The following PGBD5 variants were observed in gnomAD, a reference collection of about 807,000 sequenced individuals.
PGBD5 encodes the protein piggyBac transposable element derived 5.
A neutral mutation model predicts 47.9 loss-of-function variants in PGBD5; 14 were observed. The ratio of observed to expected loss-of-function variants is 0.29; its 90% CI spans 0.19 to 0.46. The LOEUF (loss-of-function observed/expected upper bound fraction) is 0.46. Among genes scored for constraint, PGBD5 ranks in the 20% least tolerant of loss-of-function variants. The pLI is 1.00. For synonymous variants in PGBD5, 316 were observed against 306.3 expected (o/e 1.03, Z -0.33); for missense variants, 635 against 716.0 (o/e 0.89, Z 1.29).
rs372612820 is a variant in PGBD5, at chr1:230,396,469, C to T, written c.331+29129G>A. Among the ~76,000 whole-genome samples the T allele has an allele frequency of 2.0e-4, 27 of 136,290 alleles. No homozygotes were observed. The East Asian group carries it at 6.4e-3, about 33-fold the overall frequency. The allele number at this position is 136,290 out of a possible 152,430, so 89.4% of individuals were successfully genotyped here. ...CTCTATCCTCCTCCCCCTCAACTTC[C>T]CCCTACTTCCGCAGCCAGGGTCCTC... is the stretch of plus-strand genomic sequence containing the variant. On this transcript the variant is annotated intron_variant, in intron 1 of 6. Coordinates refer to ENST00000391860, the MANE Select transcript of PGBD5 (RefSeq NM_001258311.2).
chr1:230,425,579 C>G lies in PGBD5; in HGVS notation c.331+19G>C. The G allele has an allele frequency of 5.7e-6, 7 of 1,219,272 alleles. No homozygotes were observed. Among genetic ancestry groups the G allele is most frequent in the Non-Finnish European group, 7.1e-6 (7 of 980,012 alleles). 75.5% of individuals were successfully genotyped at this position (1,219,272 alleles called of 1,614,324 possible). On this transcript the variant is annotated intron_variant, in intron 1 of 6. Coordinates refer to ENST00000391860, the MANE Select transcript of PGBD5 (RefSeq NM_001258311.2). This position sits in a 1 kb window ranked among gnomAD's most constrained non-coding sequence, Gnocchi z 4.7. The stretch of plus-strand genomic sequence containing the variant: ...GTTCCAGCGCCGCCCCCGACATCCA[C>G]CCGCGGGCAGCCCCTTACCGCCGGT...
intron 1 of PGBD5, among the ~76,000 whole-genome samples, chr1:230,380,993 C>T (rs2102725662): frequency 6.6e-6 from 1 of 152,368 alleles, no homozygotes; most frequent in African/African-American, 2.4e-5. Context: ...CGTCTGCGGC[C>T]GTGTTCTCCC....
At chr1:230,366,576 G>A (rs1667836998) in intron 1 of PGBD5, among the ~76,000 whole-genome samples, 3 of 152,174 alleles carry the variant, frequency 2.0e-5, no homozygotes, top group Admixed American at 2.0e-4. Flanking sequence ...CAAAGCTGAG[G>A]TTCTGGACCA....
intron 1 of PGBD5, among the ~76,000 whole-genome samples, chr1:230,407,688 A>C (rs1172530152): frequency 2.0e-5 from 3 of 152,234 alleles, no homozygotes; most frequent in Non-Finnish European, 4.4e-5. Context: ...ATAGAAAAAA[A>C]AATCTGAGAT....
In PGBD5 at chr1:230,425,487, A is replaced by C. The variant is rs1469712872; in HGVS notation, c.331+111T>G. 1.1e-5 allele frequency: 9 copies of C among 812,324 alleles called. No individual in the cohort carries two copies. In the African/African-American group the frequency reaches 1.3e-4, roughly 11 times the overall value. The allele number at this position is 812,324 out of a possible 1,614,324, so 50.3% of individuals were successfully genotyped here. ...CAGCCTCATTTGTTTCCGGAGAGAC[A>C]CCCACAAGCCAGCCCACGGAGAGTC... On this transcript the variant is annotated intron_variant, in intron 1 of 6. Transcript: ENST00000391860. The surrounding 1 kb of genome is among the most constrained non-coding windows in gnomAD (Gnocchi z 4.7).
rs73119536 is a variant in PGBD5 at position 230,337,208 on chromosome 1, C to T, written c.975G>A (p.Val325=). Residue 325 remains valine, a synonymous_variant, in exon 4 of 7, where the codon GTG becomes GTA. Transcript: ENST00000391860. ...LKNKPQLHSM[V]ARSLCRNAAG... ...CCGCGTTCCGGCACAGGCTCCTGGC[C>T]ACCATGCTGTGGAGCTGGGGCTTAT... The T allele has an allele frequency of 3.0e-3, 4,797 of 1,614,200 alleles. 143 individuals carry two copies. In the African/African-American group the frequency reaches 0.055, roughly 18 times the overall value.
rs1004277729 is a variant in PGBD5, at chr1:230,425,751, A to C, written c.178T>G (p.Ser60Ala). The C allele has an allele frequency of 8.3e-7, 1 of 1,210,972 alleles. No individual in the cohort carries two copies. The highest frequency in any genetic ancestry group is 1.0e-6 in the Non-Finnish European group (1 of 975,168). The allele number at this position is 1,210,972 out of a possible 1,614,324, so 75.0% of individuals were successfully genotyped here. ...AASRSSSAAS[S>A]DDEREPPGPP... is the part of the protein sequence containing the mutation. ...CCCGGGGGCTCGCGCTCGTCGTCCG[A>C]GGAGGCGGCCGAGGAGGAGCGCGAG... is the stretch of plus-strand genomic sequence containing the variant. The change falls in exon 1 of 7, where the codon TCG (serine) becomes GCG (alanine). Residue 60 changes from serine (S) to alanine (A), a missense_variant. Ser to Ala is a moderately conservative substitution (Grantham distance 99). Coordinates refer to ENST00000391860, the MANE Select transcript of PGBD5 (RefSeq NM_001258311.2). This position sits in a 1 kb window ranked among gnomAD's most constrained non-coding sequence, Gnocchi z 4.7.
chr1:230,385,860 A>C (rs1220793790), intron 1 of PGBD5, among the ~76,000 whole-genome samples: 1 of 152,104 alleles, frequency 6.6e-6, no homozygotes, highest in Non-Finnish European at 1.5e-5. Flanking sequence ...GTGTTCCCTC[A>C]AGCAGCAGCA....
At chr1:230,342,727 G>A (rs1172854086) in intron 3 of PGBD5, among the ~76,000 whole-genome samples, 3 of 152,136 alleles carry the variant, frequency 2.0e-5, no homozygotes, top group Non-Finnish European at 2.9e-5. Context: ...TAAGGATAAC[G>A]TTGCCATATG....
intron 1 of PGBD5, among the ~76,000 whole-genome samples, chr1:230,416,415 CA>C (rs1019638622): frequency 1.3e-5 from 2 of 151,886 alleles, no homozygotes; most frequent in African/African-American, 2.4e-5. Flanking sequence ...TTCAAGCATT[CA>C]AAAAAAACTG....
intron 1 of PGBD5, among the ~76,000 whole-genome samples, chr1:230,399,937 A>C (rs1206765721): frequency 6.6e-6 from 1 of 152,188 alleles, no homozygotes; most frequent in East Asian, 1.9e-4. Context: ...GCCAGATCCC[A>C]CGCTTGTCCT....
chr1:230,411,700 A>C (rs1177649086), intron 1 of PGBD5, among the ~76,000 whole-genome samples: 1 of 152,226 alleles, frequency 6.6e-6, no homozygotes. Context: ...AGAAACTCTG[A>C]ACTAATATTA....
Position 230,325,353 on chromosome 1 carries a change from C to T in PGBD5, c.1336G>A (p.Ala446Thr), listed in dbSNP as rs778631678. The T allele has an allele frequency of 7.4e-6, 12 of 1,613,712 alleles. No homozygotes were observed. The highest frequency in any genetic ancestry group is 1.3e-5 in the African/African-American group (1 of 75,040). The change falls in exon 6 of 7, where the codon GCT becomes ACT. Residue 446 changes from alanine (A) to threonine (T), a missense_variant. By Grantham distance (58) the Ala-to-Thr change is moderately conservative. Coordinates refer to ENST00000391860, the MANE Select transcript of PGBD5 (RefSeq NM_001258311.2). ...TATCTGCAGATGTAGCTCAGGTGAG[C>T]GGCAAACGCCTCCACGGCCAAGGGG... Reference protein sequence around the residue: ...PCPLAVEAFAAHLSYICRYDD... With the variant: ...PCPLAVEAFATHLSYICRYDD...
chr1:230,357,303 G>C lies in PGBD5; in HGVS notation c.350C>G (p.Pro117Arg). 2 of 1,613,402 alleles carry C rather than the reference G, an allele frequency of 1.2e-6. No individual in the cohort carries two copies. The highest frequency in any genetic ancestry group is 1.7e-6 in the Non-Finnish European group (2 of 1,179,536). Reference sequence around the variant, plus strand: ...GAAGTCCACGGCACTGGCGCTGGGGGGCATCTTTCGGGTGGGACCTGAAAC... The same window carrying C: ...GAAGTCCACGGCACTGGCGCTGGGGCGCATCTTTCGGGTGGGACCTGAAAC... ...EDTGGPTRKMPPSASAVDFFQ... is the reference protein window; with the variant it reads ...EDTGGPTRKMRPSASAVDFFQ... The change falls in exon 2 of 7, where the codon CCC (proline) becomes CGC (arginine). Residue 117 changes from proline (P) to arginine (R), a missense_variant. Transcript: ENST00000391860. This position sits in a 1 kb window ranked among gnomAD's most constrained non-coding sequence, Gnocchi z 5.7.
At chr1:230,332,809 G>A (rs377410735) in intron 5 of PGBD5, 35 bp downstream of exon 5, 9 of 1,612,528 alleles carry the variant, frequency 5.6e-6, no homozygotes, top group African/African-American at 4.0e-5. Flanking sequence ...CAATCCCCGC[G>A]CGCCCCACTG....
chr1:230,411,639 C>T (rs1008170132), intron 1 of PGBD5, among the ~76,000 whole-genome samples: 1 of 152,118 alleles, frequency 6.6e-6, no homozygotes, highest in African/African-American at 2.4e-5. Flanking sequence ...AATTCCCAAA[C>T]TTGAGAGATG....
intron 4 of PGBD5, among the ~76,000 whole-genome samples, chr1:230,335,172 C>T (rs1332444938): frequency 1.0e-5 from 1 of 100,278 alleles, no homozygotes; most frequent in Non-Finnish European, 2.1e-5. Context: ...CACACAGACA[C>T]ACAGACACAC....
intron 1 of PGBD5, among the ~76,000 whole-genome samples, chr1:230,422,946 T>C (rs925453475): frequency 6.6e-6 from 1 of 151,826 alleles, no homozygotes; most frequent in Non-Finnish European, 1.5e-5. Context: ...CAACTCATAA[T>C]GGTCCCCAGT....
intron 1 of PGBD5, among the ~76,000 whole-genome samples, chr1:230,417,356 C>T (rs1423676292): frequency 1.3e-5 from 2 of 152,200 alleles, no homozygotes; most frequent in Non-Finnish European, 2.9e-5. Flanking sequence ...CTTGGCAAAT[C>T]CCCCTCCCTG....
Sources: allele counts gnomAD v4.1 joint callset (sites outside exome capture counted in the v4.1 genomes callset), GRCh38; gene constraint gnomAD v4.1.1; non-coding constraint Gnocchi (gnomAD v3.1); transcripts MANE v1.5; gene names NCBI Gene and HGNC (gene_info 2026-07-23, HGNC 2026-07-21).